POR: variants seen among roughly 807,000 people sequenced by gnomAD.
POR encodes cytochrome p450 oxidoreductase.
POR carries 56 observed loss-of-function variants against 84.0 expected under a neutral mutation model. The ratio of observed to expected loss-of-function variants is 0.67; its 90% CI spans 0.54 to 0.83. POR has a LOEUF of 0.83. POR is among the 40% of genes least tolerant of loss of function. POR has a pLI of 0.00. For synonymous variants in POR, 414 were observed against 400.5 expected, an observed-to-expected ratio of 1.03 and a Z score of -0.40; for missense variants, 938 against 944.3, an observed-to-expected ratio of 0.99 and a Z score of 0.09.
chr7:75,950,019 C>T (rs578041021), intron 1 of POR, among the ~76,000 whole-genome samples: 33 of 152,122 alleles, frequency 2.2e-4, no homozygotes, highest in African/African-American at 5.1e-4. Context: ...CCTGCCACCA[C>T]GCCTGGCTAA....
intron 1 of POR, among the ~76,000 whole-genome samples, chr7:75,937,936 C>A (rs1256644272): frequency 6.6e-6 from 1 of 152,224 alleles, no homozygotes; most frequent in Non-Finnish European, 1.5e-5. Context: ...CTTAGGGGAG[C>A]TGTGGTCTCG....
chr7:75,937,521 G>A (rs1456381323), intron 1 of POR, among the ~76,000 whole-genome samples: 14 of 147,660 alleles, frequency 9.5e-5, no homozygotes, highest in South Asian at 2.1e-4. Flanking sequence ...GGTGGCTCAC[G>A]TCTGTAATCC....
chr7:75,968,760 G>T (rs1788301480), intron 2 of POR, among the ~76,000 whole-genome samples: 1 of 152,192 alleles, frequency 6.6e-6, no homozygotes, highest in Non-Finnish European at 1.5e-5. Context: ...TAGCCTTGGG[G>T]CAGAGCAGGC....
In POR at chr7:75,972,407, T is replaced by G; in HGVS notation, c.189-6T>G. 2 of 1,609,628 alleles carry G rather than the reference T, an allele frequency of 1.2e-6. No individual in the cohort carries two copies. Among genetic ancestry groups the G allele is most frequent in the Non-Finnish European group, 1.7e-6 (2 of 1,178,038 alleles). Reference sequence around the variant, plus strand: ...CCCACGCTCATTGCACACTTTTGTCTTGCAGGACCTCCTCTGTCAGAGAGA... The same window carrying G: ...CCCACGCTCATTGCACACTTTTGTCGTGCAGGACCTCCTCTGTCAGAGAGA... On this transcript the variant is annotated splice_region_variant and splice_polypyrimidine_tract_variant and intron_variant, in intron 2 of 15. Transcript: ENST00000461988.
intron 1 of POR, among the ~76,000 whole-genome samples, chr7:75,921,736 C>T (rs1213440820): frequency 6.6e-6 from 1 of 152,060 alleles, no homozygotes; most frequent in Non-Finnish European, 1.5e-5. Flanking sequence ...GGTCACCCCT[C>T]CTTTCTCTTC....
chr7:75,958,886 A>T (rs1464570489), intron 2 of POR, among the ~76,000 whole-genome samples: 1 of 152,176 alleles, frequency 6.6e-6, no homozygotes, highest in African/African-American at 2.4e-5. Flanking sequence ...AGTATTCCTT[A>T]TCTGAAGTGC....
At chr7:75,951,137 G>A (rs1554552755) in intron 1 of POR, among the ~76,000 whole-genome samples, 2 of 140,670 alleles carry the variant, frequency 1.4e-5, no homozygotes, top group Non-Finnish European at 3.0e-5. Flanking sequence ...GCTCACGCCT[G>A]TAATCCCAGC....
At chr7:75,980,215 G>A (rs1324101710) in intron 4 of POR, 124 bp from the exon 5 acceptor site, 6 of 1,161,290 alleles carry the variant, frequency 5.2e-6, no homozygotes, top group East Asian at 2.6e-5. Flanking sequence ...CTGATCCCAC[G>A]ACACTCAGAC....
At chr7:75,969,130 CATCT>C (rs1311518395) in intron 2 of POR, among the ~76,000 whole-genome samples, 1 of 152,216 alleles carries the variant, frequency 6.6e-6, no homozygotes, top group Non-Finnish European at 1.5e-5. Context: ...CTGTGCCATC[CATCT>C]ATGTGGTCTT....
intron 3 of POR, among the ~76,000 whole-genome samples, chr7:75,973,989 A>T (rs942537786): frequency 2.1e-5 from 3 of 145,590 alleles, no homozygotes; most frequent in East Asian, 3.9e-4. Context: ...ACCTTGCTTT[A>T]AAAAAAAAAG....
chr7:75,933,869 T>C (rs1807542313), intron 1 of POR, among the ~76,000 whole-genome samples: 1 of 151,710 alleles, frequency 6.6e-6, no homozygotes, highest in Non-Finnish European at 1.5e-5. Flanking sequence ...TGTGTAGATA[T>C]ATTTTTTCTT....
intron 1 of POR, among the ~76,000 whole-genome samples, chr7:75,926,614 G>GGA (rs1484180021): frequency 6.6e-6 from 1 of 152,238 alleles, no homozygotes; most frequent in Admixed American, 6.5e-5. Flanking sequence ...TGACCAACAT[G>GGA]GAGAAACCTG....
intron 2 of POR, among the ~76,000 whole-genome samples, chr7:75,960,657 G>A (rs1306253632): frequency 6.6e-6 from 1 of 152,066 alleles, no homozygotes; most frequent in Non-Finnish European, 1.5e-5. Flanking sequence ...GGGCCTGGCA[G>A]CTTTGCTCAC....
intron 1 of POR, among the ~76,000 whole-genome samples, chr7:75,949,977 C>T (rs1463947600): frequency 6.6e-6 from 1 of 152,038 alleles, no homozygotes; most frequent in Non-Finnish European, 1.5e-5. Flanking sequence ...TCCCACCTCA[C>T]CTCCCTCCTC....
In POR at chr7:75,949,000, A is replaced by T. The variant is rs151213669; in HGVS notation, c.-4-4989A>T. The stretch of plus-strand genomic sequence containing the variant: ...CAAATAATGAGATGGCCATGTGCAA[A>T]GTCCCTGAAACAGAAGGAGGCCAGC... On this transcript the variant is annotated intron_variant, in intron 1 of 15. Coordinates refer to ENST00000461988, the MANE Select transcript of POR (RefSeq NM_000941.3). 2.8e-3 allele frequency among the ~76,000 whole-genome samples: 423 copies of T among 152,292 alleles called. 1 individual carries two copies. The highest frequency in any genetic ancestry group is 8.3e-3 in the African/African-American group (346 of 41,568).
In POR at chr7:75,954,152, G is replaced by T. The variant is rs781950100; in HGVS notation, c.160G>T (p.Val54Phe). 2 of 1,612,026 alleles carry T rather than the reference G, an allele frequency of 1.2e-6. No homozygotes were observed. Among genetic ancestry groups the T allele is most frequent in the Admixed American group, 3.3e-5 (2 of 59,736 alleles). ...CCTCTTCAGAAAGAAAAAAGAAGAA[G>T]TCCCCGAGTTCACCAAAATTCAGAC... Residue 54 changes from valine to phenylalanine, a missense_variant, in exon 2 of 16, where the codon GTC becomes TTC. Coordinates refer to ENST00000461988, the MANE Select transcript of POR (RefSeq NM_000941.3).
Position 75,985,855 on chromosome 7 carries a change from T to C in POR, c.1669+6T>C, listed in dbSNP as rs970278893. 4 of 1,547,968 alleles carry C rather than the reference T, an allele frequency of 2.6e-6. No individual in the cohort carries two copies. In the African/African-American group the frequency reaches 4.1e-5, roughly 16 times the overall value. The stretch of plus-strand genomic sequence containing the variant: ...GGCCTGGCTGCGACAGCAGGGTGAG[T>C]GGGGTCCCATGGGGGAGAGGGGGTG... On this transcript the variant is annotated splice_donor_region_variant and intron_variant, in intron 13 of 15. Transcript: ENST00000461988.
chr7:75,939,690 C>A (rs1234946470), intron 1 of POR, among the ~76,000 whole-genome samples: 3 of 150,592 alleles, frequency 2.0e-5, no homozygotes, highest in Non-Finnish European at 4.4e-5. Context: ...CTGCAACCTT[C>A]ACCTCCTAGG....
At chr7:75,944,637 T>C (rs1333375822) in intron 1 of POR, among the ~76,000 whole-genome samples, 1 of 99,110 alleles carries the variant, frequency 1.0e-5, no homozygotes, top group Admixed American at 1.1e-4. Flanking sequence ...AACTCTCAAC[T>C]TGAATGAGAA....
Sources: allele counts gnomAD v4.1 joint callset (sites outside exome capture counted in the v4.1 genomes callset), GRCh38; gene constraint gnomAD v4.1.1; transcripts MANE v1.5; gene names NCBI Gene and HGNC (gene_info 2026-07-23, HGNC 2026-07-21).